CCNB3: variants seen among roughly 807,000 people sequenced by gnomAD.
CCNB3 encodes the protein cyclin B3, also known as G2/mitotic-specific cyclin-B3.
A neutral mutation model predicts 68.0 loss-of-function variants in CCNB3; 12 were observed. That is an observed-to-expected ratio of 0.18 (90% CI 0.11 to 0.29). The LOEUF is 0.29. CCNB3 is among the 10% of genes least tolerant of loss of function. CCNB3 has a pLI of 1.00. For synonymous variants in CCNB3, 354 were observed against 388.9 expected, an observed-to-expected ratio of 0.91 and a Z score of 1.06; for missense variants, 904 against 993.1, an observed-to-expected ratio of 0.91 and a Z score of 1.21.
rs782393259 is a variant in CCNB3, at chrX:50,313,900, C to A, written c.3468C>A (p.Ile1156=). 5 of 1,208,711 alleles carry A rather than the reference C, an allele frequency of 4.1e-6. No homozygotes were observed. In the African/African-American group the frequency reaches 7.0e-5, roughly 17 times the overall value. Residue 1156 remains isoleucine, a synonymous_variant, in exon 8 of 13, where the codon ATC becomes ATA. Coordinates refer to ENST00000376042, the MANE Select transcript of CCNB3 (RefSeq NM_033031.3). ...ATTACATGAACAGGCAGATTGAAAT[C>A]ACCAGTGACATGAGGGCCATTCTTG... The part of the protein sequence containing the change: ...LTDYMNRQIE[I]TSDMRAILVD...
intron 5 of CCNB3, among the ~76,000 whole-genome samples, chrX:50,296,311 A>T (rs1421327715): frequency 2.6e-5 from 2 of 77,903 alleles, no homozygotes; most frequent in Admixed American, 3.2e-4. Flanking sequence ...CCAGTGTGTG[A>T]TGTTCCCCTT....
At chrX:50,311,566 A>T in intron 6 of CCNB3, 70 bp downstream of exon 6, 1 of 807,358 alleles carries the variant, frequency 1.2e-6, no homozygotes, top group Non-Finnish European at 1.7e-6. Context: ...CTGCTAGCAA[A>T]GTTGTTTTTT....
chrX:50,299,260 G>A (rs1403047506), intron 5 of CCNB3, among the ~76,000 whole-genome samples: 1 of 110,711 alleles, frequency 9.0e-6, no homozygotes, highest in Non-Finnish European at 1.9e-5. Flanking sequence ...GCTTTCTCTT[G>A]CGGGCATTTA....
chrX:50,336,871 C>A (rs1287718138), intron 8 of CCNB3, among the ~76,000 whole-genome samples: 2 of 111,176 alleles, frequency 1.8e-5, no homozygotes, highest in East Asian at 5.7e-4. Flanking sequence ...CCTGGAGCAC[C>A]CTTCACCTTT....
intron 1 of CCNB3, among the ~76,000 whole-genome samples, chrX:50,227,138 A>G (rs1466927678): frequency 7.3e-5 from 6 of 82,083 alleles, no homozygotes; most frequent in Non-Finnish European, 8.6e-5. Flanking sequence ...AAAAATATAT[A>G]GAATATATAT....
chrX:50,214,566 ATCTG>A (rs1393613343), intron 1 of CCNB3, among the ~76,000 whole-genome samples: 8 of 79,931 alleles, frequency 1.0e-4, no homozygotes, highest in Admixed American at 4.9e-4. Flanking sequence ...TATATATATC[ATCTG>A]TCTCTCTCCC....
At chrX:50,329,190 C>T (rs112561210) in intron 8 of CCNB3, among the ~76,000 whole-genome samples, 2 of 111,650 alleles carry the variant, frequency 1.8e-5, no homozygotes, top group African/African-American at 6.5e-5. Flanking sequence ...GGCCCCCTTC[C>T]CATAGCTCCA....
In CCNB3 at chrX:50,309,819, G is replaced by T. The variant is rs1329086709; in HGVS notation, c.1650G>T (p.Leu550Phe). 1.7e-6 allele frequency: 2 copies of T among 1,208,231 alleles called. No homozygotes were observed. The highest frequency in any genetic ancestry group is 2.2e-6 in the Non-Finnish European group (2 of 892,554). ...QEMMSICPELLDFQDMIGEDK... is the reference protein window; with the variant it reads ...QEMMSICPELFDFQDMIGEDK... ...TGATGTCCATCTGTCCAGAACTGTT[G>T]GACTTTCAGGATATGATTGGTGAAG... Residue 550 changes from leucine (L) to phenylalanine (F), a missense_variant, in exon 6 of 13, where the codon TTG becomes TTT. By Grantham distance (22) the Leu-to-Phe change is conservative (BLOSUM62 0). Coordinates refer to ENST00000376042, the MANE Select transcript of CCNB3 (RefSeq NM_033031.3).
Position 50,309,781 on chromosome X carries a change from A to G in CCNB3, c.1612A>G (p.Thr538Ala). ...AAAAGTGTCTTTAAAGAAAAAGTGT[A>G]CCACACAAGAGATGATGTCCATCTG... ...EEKVSLKKKC[T>A]TQEMMSICPE... The change falls in exon 6 of 13, where the codon ACC (threonine) becomes GCC (alanine). Residue 538 changes from threonine to alanine, a missense_variant. Around this residue, in one of 2 missense-constraint regions of CCNB3, gnomAD observed 619 missense variants for 609.8 expected, o/e 1.02. Transcript: ENST00000376042. The G allele has an allele frequency of 3.3e-6, 4 of 1,210,563 alleles. No individual in the cohort carries two copies. Among genetic ancestry groups the G allele is most frequent in the Non-Finnish European group, 4.5e-6 (4 of 894,638 alleles).
At chrX:50,329,559 T>A (rs1922482803) in intron 8 of CCNB3, among the ~76,000 whole-genome samples, 1 of 112,783 alleles carries the variant, frequency 8.9e-6, no homozygotes, top group Non-Finnish European at 1.9e-5. Context: ...GTCCTGAGTC[T>A]GCACATGGAA....
chrX:50,311,603 G>A, intron 6 of CCNB3, 107 bp downstream of exon 6: 1 of 632,903 alleles, frequency 1.6e-6, no homozygotes, highest in Non-Finnish European at 2.3e-6. Context: ...TTTTGTTGTT[G>A]TTGTTGTTTT....
Position 50,228,769 on chromosome X carries a change from A to G in CCNB3, c.-113+23819A>G, listed in dbSNP as rs1935989587. 1.4e-4 allele frequency among the ~76,000 whole-genome samples: 10 copies of G among 70,217 alleles called. No individual in the cohort carries two copies. In the South Asian group the frequency reaches 7.2e-3, roughly 51 times the overall value. 61.0% of individuals were successfully genotyped at this position (70,217 alleles called of 115,157 possible). On this transcript the variant is annotated intron_variant, in intron 1 of 12. Transcript: ENST00000376042. Reference sequence around the variant, plus strand: ...ATAGAATATATAGAAATATATATATAGAATACATATATAGAATATATATAT... The same window carrying G: ...ATAGAATATATAGAAATATATATATGGAATACATATATAGAATATATATAT...
At chrX:50,222,307 T>G (rs987379370) in intron 1 of CCNB3, among the ~76,000 whole-genome samples, 40 of 111,584 alleles carry the variant, frequency 3.6e-4, no homozygotes, top group African/African-American at 1.2e-3. Context: ...ATCCTGTCAT[T>G]ATGATCCTAG....
rs960247139 is a variant in CCNB3, at chrX:50,222,876, A to G, written c.-113+17926A>G. Among the ~76,000 whole-genome samples, 74 of 111,083 alleles carry G rather than the reference A, an allele frequency of 6.7e-4. 1 individual carries two copies. The South Asian group carries it at 0.026, about 40-fold the overall frequency. The stretch of plus-strand genomic sequence containing the variant: ...GAAGAGTGTTTTCCATCTTGGTTCC[A>G]TTCTCCCTGTCACTTTCAGGTACAC... On this transcript the variant is annotated intron_variant, in intron 1 of 12. Transcript: ENST00000376042.
At chrX:50,328,580 A>C (rs1922417393) in intron 8 of CCNB3, among the ~76,000 whole-genome samples, 1 of 111,448 alleles carries the variant, frequency 9.0e-6, no homozygotes, top group Non-Finnish European at 1.9e-5. Context: ...TGGGGATTAC[A>C]ATTCACCATG....
intron 1 of CCNB3, among the ~76,000 whole-genome samples, chrX:50,219,087 C>G (rs1375132737): frequency 4.5e-5 from 5 of 111,799 alleles, no homozygotes; most frequent in East Asian, 5.6e-4. Flanking sequence ...AGTGTCTGTT[C>G]ATATCCTTTG....
At chrX:50,329,162 T>G (rs782377774) in intron 8 of CCNB3, among the ~76,000 whole-genome samples, 155 of 111,707 alleles carry the variant, frequency 1.4e-3, no homozygotes, top group African/African-American at 4.9e-3. Flanking sequence ...TCTACAATTC[T>G]GGGGTCTGGA....
chrX:50,333,419 C>T (rs184627043), intron 8 of CCNB3, among the ~76,000 whole-genome samples: 2 of 112,017 alleles, frequency 1.8e-5, no homozygotes, highest in African/African-American at 3.2e-5. Context: ...GCTCCATAAG[C>T]TTGTATGCTG....
intron 8 of CCNB3, among the ~76,000 whole-genome samples, chrX:50,321,792 A>G (rs1922030298): frequency 9.0e-6 from 1 of 111,136 alleles, no homozygotes; most frequent in Non-Finnish European, 1.9e-5. Context: ...TGAGCTGTAG[A>G]ATAATTTTGT....
Sources: allele counts gnomAD v4.1 joint callset (sites outside exome capture counted in the v4.1 genomes callset), GRCh38; gene constraint gnomAD v4.1.1; regional missense constraint gnomAD v4.1.1; transcripts MANE v1.5; gene names NCBI Gene and HGNC (gene_info 2026-07-23, HGNC 2026-07-21).